The following PDGFD variants were observed in gnomAD, a reference collection of about 807,000 sequenced individuals.
PDGFD encodes platelet-derived growth factor D.
Under a neutral mutation model 44.7 loss-of-function variants are expected in PDGFD, and 30 were observed. The observed-to-expected ratio is 0.67, with a 90% confidence interval of 0.50 to 0.91. PDGFD has a LOEUF of 0.91. PDGFD is among the 40% of genes least tolerant of loss of function. The probability of loss-of-function intolerance (pLI) is 0.00; values close to 1 mark genes in which losing one functional copy is unlikely to be tolerated. For missense variants in PDGFD, 445 were observed against 457.8 expected, an observed-to-expected ratio of 0.97 and a Z score of 0.25; for synonymous variants, 173 against 168.4, an observed-to-expected ratio of 1.03 and a Z score of -0.21.
intron 1 of PDGFD, among the ~76,000 whole-genome samples, chr11:104,081,237 T>C (rs1476409720): frequency 6.6e-6 from 1 of 152,200 alleles, no homozygotes; most frequent in Non-Finnish European, 1.5e-5. Flanking sequence ...GGGATACTGA[T>C]ACAGTAAATT....
rs1400165668 is a variant in PDGFD at position 103,922,862 on chromosome 11, G to A, written c.987+4050C>T. On this transcript the variant is annotated intron_variant, in intron 6 of 6. Coordinates refer to ENST00000393158, the MANE Select transcript of PDGFD (RefSeq NM_025208.5). ...CTCAAAGTGCTGAGATTACAGGCAT[G>A]AGCCACTGCTCCTGGCCTAAGAATC... Among the ~76,000 whole-genome samples, 4 of 152,032 alleles carry A rather than the reference G, an allele frequency of 2.6e-5. No individual in the cohort carries two copies. In the East Asian group the frequency reaches 5.8e-4, roughly 22 times the overall value.
intron 1 of PDGFD, among the ~76,000 whole-genome samples, chr11:104,061,526 A>G (rs1860717349): frequency 6.6e-6 from 1 of 152,228 alleles, no homozygotes; most frequent in Non-Finnish European, 1.5e-5. Context: ...GAATGGATAA[A>G]CAAAATGTGA....
chr11:103,928,705 T>A (rs980410752), intron 5 of PDGFD, among the ~76,000 whole-genome samples: 1 of 152,234 alleles, frequency 6.6e-6, no homozygotes, highest in Non-Finnish European at 1.5e-5. Flanking sequence ...TGCTGTTTTT[T>A]TCTTCCTTTG....
Position 103,970,342 on chromosome 11 carries a change from A to G in PDGFD, c.511-22618T>C, listed in dbSNP as rs114597874. On this transcript the variant is annotated intron_variant, in intron 3 of 6. Transcript: ENST00000393158. Reference sequence around the variant, plus strand: ...TTCTTTGTTATCACTGAATCTAGAAATGTAACTGCTTTACCTGAAATTTCG... The same window carrying G: ...TTCTTTGTTATCACTGAATCTAGAAGTGTAACTGCTTTACCTGAAATTTCG... Among the ~76,000 whole-genome samples the G allele has an allele frequency of 6.9e-3, 1,044 of 152,228 alleles. 12 individuals are homozygous for G. Among genetic ancestry groups the G allele is most frequent in the African/African-American group, 0.024 (992 of 41,566 alleles).
intron 3 of PDGFD, among the ~76,000 whole-genome samples, chr11:103,957,114 T>C (rs1380485778): frequency 6.6e-6 from 1 of 152,196 alleles, no homozygotes; most frequent in Non-Finnish European, 1.5e-5. Context: ...TTTGGTGTTT[T>C]AGACATGAAG....
chr11:103,966,947 ACT>A (rs1458128175), intron 3 of PDGFD, among the ~76,000 whole-genome samples: 3 of 152,024 alleles, frequency 2.0e-5, no homozygotes, highest in African/African-American at 4.8e-5. Context: ...GAGAGCTCAC[ACT>A]CTGAAAACCC....
Position 103,909,772 on chromosome 11 carries a change from C to T in PDGFD, c.1035G>A (p.Lys345=). 1 of 1,614,088 alleles carries T rather than the reference C, an allele frequency of 6.2e-7. No homozygotes were observed. The highest frequency in any genetic ancestry group is 1.1e-5 in the South Asian group (1 of 91,086). Residue 345 remains lysine (K), a synonymous_variant, in exon 7 of 7, where the codon AAG becomes AAA. Transcript: ENST00000393158. ...ACTGGATGTCAACTAGAGCCATGGT[C>T]TTAGCTCTACCCCTCCTCTTGATGT... ...PGHIKRRGRA[K]TMALVDIQLD...
intron 1 of PDGFD, among the ~76,000 whole-genome samples, chr11:104,097,877 C>T (rs1220523228): frequency 6.6e-6 from 1 of 152,116 alleles, no homozygotes; most frequent in Non-Finnish European, 1.5e-5. Context: ...CCCTTAAGCA[C>T]AAATCATTTT....
At chr11:104,099,482 A>G (rs547752933) in intron 1 of PDGFD, among the ~76,000 whole-genome samples, 1 of 152,108 alleles carries the variant, frequency 6.6e-6, no homozygotes, top group South Asian at 2.1e-4. Flanking sequence ...TCTACAAAAA[A>G]TTAGCCAGGT....
intron 1 of PDGFD, among the ~76,000 whole-genome samples, chr11:104,088,599 A>G (rs1591157764): frequency 6.6e-6 from 1 of 152,202 alleles, no homozygotes; most frequent in South Asian, 2.1e-4. Flanking sequence ...TTGTCTGGCT[A>G]TTACAACTTG....
intron 3 of PDGFD, among the ~76,000 whole-genome samples, chr11:103,990,168 G>T (rs1294681880): frequency 6.6e-6 from 1 of 152,136 alleles, no homozygotes; most frequent in Non-Finnish European, 1.5e-5. Context: ...GACCTACTGG[G>T]TTGCTTCCCT....
intron 1 of PDGFD, among the ~76,000 whole-genome samples, chr11:104,129,999 T>TAA (rs1861895204): frequency 1.4e-5 from 1 of 71,972 alleles, no homozygotes. Flanking sequence ...ACAAGACCTC[T>TAA]GAAAAAAAAA....
chr11:103,960,308 T>A (rs935345761), intron 3 of PDGFD, among the ~76,000 whole-genome samples: 1 of 152,188 alleles, frequency 6.6e-6, no homozygotes, highest in African/African-American at 2.4e-5. Flanking sequence ...ACTAGGTTAT[T>A]GCCCACGCCC....
intron 1 of PDGFD, among the ~76,000 whole-genome samples, chr11:104,041,832 T>C (rs1032882528): frequency 6.6e-6 from 1 of 152,198 alleles, no homozygotes; most frequent in Non-Finnish European, 1.5e-5. Context: ...AAGAAAAAGA[T>C]AAATCGATGT....
At chr11:104,091,844 G>C (rs566741178) in intron 1 of PDGFD, among the ~76,000 whole-genome samples, 1 of 152,220 alleles carries the variant, frequency 6.6e-6, no homozygotes, top group South Asian at 2.1e-4. Flanking sequence ...CAGACCATGA[G>C]GATTGAGTAA....
At chr11:103,956,986 A>C (rs1858861009) in intron 3 of PDGFD, among the ~76,000 whole-genome samples, 1 of 152,020 alleles carries the variant, frequency 6.6e-6, no homozygotes, top group African/African-American at 2.4e-5. Context: ...AGGTTGCAAA[A>C]ATTTTCTCCC....
chr11:103,976,007 A>G (rs1859178658), intron 3 of PDGFD, among the ~76,000 whole-genome samples: 1 of 152,132 alleles, frequency 6.6e-6, no homozygotes, highest in South Asian at 2.1e-4. Flanking sequence ...TGAAATTTAA[A>G]GTAGTTTTTT....
chr11:104,003,402 A>C (rs1329515831), intron 1 of PDGFD, among the ~76,000 whole-genome samples: 1 of 152,236 alleles, frequency 6.6e-6, no homozygotes, highest in Non-Finnish European at 1.5e-5. Flanking sequence ...AAGGAAGATT[A>C]GCCTGTTGGT....
rs1406924624 is a variant in PDGFD at position 104,065,310 on chromosome 11, T to C, written c.125-65055A>G. Among the ~76,000 whole-genome samples the C allele has an allele frequency of 2.6e-5, 4 of 152,188 alleles. No individual in the cohort carries two copies. In the East Asian group the frequency reaches 7.7e-4, roughly 29 times the overall value. On this transcript the variant is annotated intron_variant, in intron 1 of 6. Transcript: ENST00000393158. ...TCTGTCCCTTTAGAGAACCCTAATA[T>C]AACTACTATTTCTATTCTATTCTAG... is the stretch of plus-strand genomic sequence containing the variant.
Sources: gnomAD v4.1 joint callset for allele counts (sites outside exome capture counted in the v4.1 genomes callset) on GRCh38, gnomAD v4.1.1 for gene constraint, MANE v1.5 for transcripts, NCBI Gene and HGNC (gene_info 2026-07-23, HGNC 2026-07-21) for gene names.